ANKRD29: variants seen among roughly 807,000 people sequenced by gnomAD.
ANKRD29 encodes ankyrin repeat domain-containing protein 29.
ANKRD29 carries 32 observed loss-of-function variants against 38.0 expected under a neutral mutation model. The ratio of observed to expected loss-of-function variants is 0.84; its 90% confidence interval spans 0.64 to 1.13. The LOEUF (loss-of-function observed/expected upper bound fraction) is 1.13. Ranked by LOEUF, ANKRD29 falls within the 50% of genes most tolerant of loss-of-function variation. ANKRD29 has a pLI of 0.00. For synonymous variants in ANKRD29, 135 were observed against 152.4 expected (o/e 0.89, Z 0.84); for missense variants, 357 against 377.9 (o/e 0.94, Z 0.46).
intron 4 of ANKRD29, among the ~76,000 whole-genome samples, chr18:23,637,994 C>CTTTTTTTTTTTTTTTTTTTTTTTTTTT (rs3083465): frequency 1.0e-5 from 1 of 98,080 alleles, no homozygotes; most frequent in Non-Finnish European, 1.9e-5. Context: ...TCAATTACTT[C>CTTTTTTTTTTTTTTTTTTTTTTTTTTT]TTTTTTTTTT....
intron 4 of ANKRD29, among the ~76,000 whole-genome samples, chr18:23,637,464 C>A (rs1022611510): frequency 6.6e-6 from 1 of 152,112 alleles, no homozygotes; most frequent in African/African-American, 2.4e-5. Context: ...GTGGCATGAT[C>A]ACGGCTCATT....
chr18:23,619,953 G>A (rs2059776078), intron 6 of ANKRD29: 4 of 297,688 alleles, frequency 1.3e-5, no homozygotes, highest in South Asian at 5.7e-5. Context: ...GGAAAGATGC[G>A]TGGGAACCTT....
intron 6 of ANKRD29, among the ~76,000 whole-genome samples, chr18:23,621,056 A>G (rs1599087076): frequency 6.6e-6 from 1 of 152,170 alleles, no homozygotes; most frequent in Non-Finnish European, 1.5e-5. Flanking sequence ...CCCCATCTCA[A>G]TGCCAGGATG....
intron 9 of ANKRD29, among the ~76,000 whole-genome samples, chr18:23,610,386 G>T (rs1047766351): frequency 6.6e-6 from 1 of 152,228 alleles, no homozygotes; most frequent in African/African-American, 2.4e-5. Context: ...GCTGAGGCAG[G>T]AGAATTGCTT....
intron 5 of ANKRD29, among the ~76,000 whole-genome samples, 190 bp downstream of exon 5, chr18:23,633,861 G>A (rs112251600): frequency 7.6e-4 from 113 of 149,132 alleles, no homozygotes; most frequent in African/African-American, 2.7e-3. Flanking sequence ...GAACCACCGC[G>A]CCCGGCCAGA....
rs368839105 is a variant in ANKRD29 at position 23,634,041 on chromosome 18, A to G, written c.429+10T>C. On this transcript the variant is annotated intron_variant, in intron 5 of 9. Transcript: ENST00000592179. The stretch of plus-strand genomic sequence containing the variant: ...AGAAATGTCCTAATGTCCCCCTGAA[A>G]TGCACTCACATAAAGTTGGTCATGG... The G allele has an allele frequency of 1.2e-6, 2 of 1,613,572 alleles. No individual in the cohort carries two copies. The highest frequency in any genetic ancestry group is 1.7e-6 in the Non-Finnish European group (2 of 1,179,622).
intron 9 of ANKRD29, among the ~76,000 whole-genome samples, 179 bp downstream of exon 9, chr18:23,611,913 A>G (rs1176626664): frequency 1.3e-5 from 2 of 152,094 alleles, no homozygotes; most frequent in Non-Finnish European, 2.9e-5. Flanking sequence ...TTTTATTAAC[A>G]GTAGAATTTC....
At chr18:23,631,073 TC>T (rs2059925741) in intron 5 of ANKRD29, among the ~76,000 whole-genome samples, 2 of 151,882 alleles carry the variant, frequency 1.3e-5, no homozygotes, top group African/African-American at 4.8e-5. Context: ...TTATCCTTGT[TC>T]CCCCAACATG....
At chr18:23,614,948 C>CAGG (rs1336713311) in intron 8 of ANKRD29, among the ~76,000 whole-genome samples, 1 of 152,152 alleles carries the variant, frequency 6.6e-6, no homozygotes. Context: ...TGTAATAAAA[C>CAGG]AGGAGCATTA....
At chr18:23,619,693 G>T in intron 6 of ANKRD29, 64 bp from the exon 7 acceptor site, 2 of 1,381,402 alleles carry the variant, frequency 1.4e-6, no homozygotes, top group South Asian at 2.7e-5. Context: ...CTCACAGAAC[G>T]TCTTTAACAC....
At chr18:23,617,877 T>C (rs944095075) in intron 7 of ANKRD29, 50 bp from the exon 8 acceptor site, 1 of 1,504,328 alleles carries the variant, frequency 6.6e-7, no homozygotes, top group Non-Finnish European at 9.2e-7. Context: ...ATATCTGTGT[T>C]GCTTGAAAGC....
At chr18:23,624,852 G>C (rs1005360096) in intron 6 of ANKRD29, among the ~76,000 whole-genome samples, 8 of 152,172 alleles carry the variant, frequency 5.3e-5, no homozygotes, top group Non-Finnish European at 1.0e-4. Context: ...TTTCATTCGA[G>C]ATCACTTTTA....
Position 23,646,271 on chromosome 18 carries a change from A to T in ANKRD29, c.149T>A (p.Leu50Gln). 2 of 1,613,966 alleles carry T rather than the reference A, an allele frequency of 1.2e-6. No homozygotes were observed. The highest frequency in any genetic ancestry group is 1.7e-6 in the Non-Finnish European group (2 of 1,180,006). Residue 50 changes from leucine to glutamine, a missense_variant, in exon 3 of 10, where the codon CTG (leucine) becomes CAG (glutamine). By Grantham distance (113) the Leu-to-Gln change is moderately radical. Coordinates refer to ENST00000592179, the MANE Select transcript of ANKRD29 (RefSeq NM_173505.4). ...GTGGCCAGCGTAGGCAGCAACCATCAGGAGTGTGGTGCCATGCTGGATGGA... is the reference window on the plus strand; with the variant it reads ...GTGGCCAGCGTAGGCAGCAACCATCTGGAGTGTGGTGCCATGCTGGATGGA... ...DCRDSHGTTL[L>Q]MVAAYAGHID...
At chr18:23,616,706 AT>A (rs1346284336) in intron 8 of ANKRD29, among the ~76,000 whole-genome samples, 1 of 145,934 alleles carries the variant, frequency 6.9e-6, no homozygotes, top group Non-Finnish European at 1.5e-5. Context: ...TATATTAGTA[AT>A]TAGTAATATT....
chr18:23,605,122 T>C (rs1464686997), intron 9 of ANKRD29, among the ~76,000 whole-genome samples: 1 of 152,110 alleles, frequency 6.6e-6, no homozygotes, highest in African/African-American at 2.4e-5. Flanking sequence ...GGTTTCGCCA[T>C]GTTGGACAGG....
Position 23,646,286 on chromosome 18 carries a change from T to C in ANKRD29, c.134A>G (p.His45Arg). Residue 45 changes from histidine to arginine, a missense_variant and splice_region_variant, in exon 3 of 10, where the codon CAT becomes CGT. Coordinates refer to ENST00000592179, the MANE Select transcript of ANKRD29 (RefSeq NM_173505.4). ...AGCAACCATCAGGAGTGTGGTGCCA[T>C]GCTGGATGGAGGAGAGACAGATGAA... is the stretch of plus-strand genomic sequence containing the variant. ...GRVDVDCRDS[H>R]GTTLLMVAAY... 6.2e-7 allele frequency: 1 copy of C among 1,613,604 alleles called. No homozygotes were observed. The highest frequency in any genetic ancestry group is 8.5e-7 in the Non-Finnish European group (1 of 1,179,870).
At chr18:23,630,014 T>G (rs1208420758) in intron 5 of ANKRD29, 63 bp from the exon 6 acceptor site, 1 of 1,439,814 alleles carries the variant, frequency 6.9e-7, no homozygotes, top group African/African-American at 1.4e-5. Context: ...TAAAAGAAAT[T>G]AGGGCGGGTG....
At chr18:23,636,418 T>C (rs1262147292) in intron 4 of ANKRD29, among the ~76,000 whole-genome samples, 3 of 151,568 alleles carry the variant, frequency 2.0e-5, no homozygotes, top group African/African-American at 7.3e-5. Flanking sequence ...GGCATCACAA[T>C]ACCTGACTAA....
intron 6 of ANKRD29, among the ~76,000 whole-genome samples, chr18:23,624,778 G>A (rs1341753970): frequency 1.3e-5 from 2 of 152,118 alleles, no homozygotes; most frequent in Non-Finnish European, 2.9e-5. Context: ...GAAAGGATTC[G>A]AGTACCGATG....
Sources: gnomAD v4.1 joint callset for allele counts (sites outside exome capture counted in the v4.1 genomes callset) on GRCh38, gnomAD v4.1.1 for gene constraint, MANE v1.5 for transcripts, NCBI Gene and HGNC (gene_info 2026-07-23, HGNC 2026-07-21) for gene names.